The following AGBL4 variants were observed in gnomAD, a reference collection of about 807,000 sequenced individuals.
AGBL4 encodes the protein cytosolic carboxypeptidase 6.
AGBL4 carries 58 observed loss-of-function variants against 66.4 expected under a neutral mutation model. That is an observed-to-expected ratio of 0.87 (90% confidence interval 0.71 to 1.09). AGBL4 has a LOEUF of 1.09. Ranked by LOEUF, AGBL4 falls within the 50% of genes least tolerant of loss-of-function variation. The pLI, the probability that AGBL4 is intolerant of heterozygous loss-of-function variation, is 0.00. For missense variants in AGBL4, 579 were observed against 631.0 expected, an observed-to-expected ratio of 0.92 and a Z score of 0.88; for synonymous variants, 234 against 222.9, an observed-to-expected ratio of 1.05 and a Z score of -0.44.
chr1:49,012,400 T>C (rs747504868), intron 5 of AGBL4, among the ~76,000 whole-genome samples: 3 of 152,022 alleles, frequency 2.0e-5, no homozygotes, highest in Non-Finnish European at 2.9e-5. Context: ...TTGGGGAGTA[T>C]GTGAGGAAGA....
intron 5 of AGBL4, among the ~76,000 whole-genome samples, chr1:49,002,586 G>A (rs552055781): frequency 8.5e-5 from 13 of 152,242 alleles, no homozygotes; most frequent in Admixed American, 1.3e-4. Context: ...AGGTCTCATC[G>A]GTTTCAATTC....
At chr1:48,753,712 G>C (rs1484412) in intron 6 of AGBL4, among the ~76,000 whole-genome samples, 1 of 152,054 alleles carries the variant, frequency 6.6e-6, no homozygotes, top group East Asian at 1.9e-4. Flanking sequence ...TCTCTAAAAC[G>C]GAGATAATAA....
At chr1:48,700,282 C>G (rs922510748) in intron 6 of AGBL4, among the ~76,000 whole-genome samples, 31 of 152,208 alleles carry the variant, frequency 2.0e-4, no homozygotes, top group African/African-American at 7.2e-4. Context: ...GCAAGTTATC[C>G]AGCACATCCA....
chr1:48,690,344 G>A (rs991620566), intron 6 of AGBL4, among the ~76,000 whole-genome samples: 2 of 152,126 alleles, frequency 1.3e-5, no homozygotes, highest in African/African-American at 4.8e-5. Flanking sequence ...GGGGGGCGCA[G>A]AGACTCTCAG....
intron 6 of AGBL4, chr1:48,759,079 T>C: frequency 6.2e-7 from 1 of 1,612,934 alleles, no homozygotes; most frequent in Non-Finnish European, 8.5e-7. Context: ...CTGCTGGTAG[T>C]TGCGCAGCAG....
intron 6 of AGBL4, among the ~76,000 whole-genome samples, chr1:48,821,054 T>C (rs1258530650): frequency 6.6e-6 from 1 of 152,186 alleles, no homozygotes; most frequent in African/African-American, 2.4e-5. Flanking sequence ...CACATTGAGA[T>C]ATCATCTTAC....
At chr1:48,887,576 A>C (rs1057472737) in intron 5 of AGBL4, among the ~76,000 whole-genome samples, 2 of 152,164 alleles carry the variant, frequency 1.3e-5, no homozygotes, top group African/African-American at 4.8e-5. Context: ...ATTGAGGCTC[A>C]GAGAGAATAG....
intron 3 of AGBL4, among the ~76,000 whole-genome samples, chr1:49,429,218 C>G (rs577138331): frequency 6.6e-6 from 1 of 152,108 alleles, no homozygotes; most frequent in East Asian, 1.9e-4. Flanking sequence ...GTGTCCATAA[C>G]AGCTCAGTCT....
At chr1:49,656,919 T>G (rs2124473545) in intron 3 of AGBL4, among the ~76,000 whole-genome samples, 1 of 152,286 alleles carries the variant, frequency 6.6e-6, no homozygotes, top group South Asian at 2.1e-4. Flanking sequence ...GGGCAAAAAC[T>G]GGAAGCATTC....
intron 4 of AGBL4, among the ~76,000 whole-genome samples, chr1:49,206,546 C>T (rs1328497605): frequency 2.0e-5 from 3 of 152,160 alleles, no homozygotes; most frequent in East Asian, 1.9e-4. Flanking sequence ...CCTTCCCTGA[C>T]ACTATCCTTA....
intron 2 of AGBL4, among the ~76,000 whole-genome samples, chr1:49,780,388 T>A (rs1349218743): frequency 6.6e-6 from 1 of 152,118 alleles, no homozygotes; most frequent in African/African-American, 2.4e-5. Context: ...TGATGTTTGA[T>A]GATAACTCAA....
At chr1:49,189,211 G>A (rs976158819) in intron 4 of AGBL4, among the ~76,000 whole-genome samples, 8 of 152,274 alleles carry the variant, frequency 5.3e-5, no homozygotes, top group Non-Finnish European at 8.8e-5. Flanking sequence ...GACCATCAGA[G>A]AGAATCCTCC....
intron 3 of AGBL4, 50 bp downstream of exon 3, chr1:49,697,263 C>T (rs1192627274): frequency 4.0e-6 from 6 of 1,490,830 alleles, no homozygotes; most frequent in Non-Finnish European, 5.4e-6. Context: ...AAGACAAAAG[C>T]ATATTATTCT....
chr1:49,573,148 G>C (rs1420935226), intron 3 of AGBL4, among the ~76,000 whole-genome samples: 1 of 43,068 alleles, frequency 2.3e-5, no homozygotes, highest in Non-Finnish European at 3.9e-5. Context: ...GTGTGTGTCT[G>C]TGTGTGTGTG....
intron 2 of AGBL4, among the ~76,000 whole-genome samples, chr1:49,797,937 A>C (rs1644771062): frequency 6.6e-6 from 1 of 151,910 alleles, no homozygotes; most frequent in Non-Finnish European, 1.5e-5. Flanking sequence ...CTAATTTTGT[A>C]TTTTTAGTAG....
intron 1 of AGBL4, among the ~76,000 whole-genome samples, chr1:49,874,391 A>G (rs954884805): frequency 7.9e-5 from 12 of 152,108 alleles, no homozygotes; most frequent in Non-Finnish European, 4.4e-5. Context: ...AATGTTACAC[A>G]TCTTGATTAT....
At chr1:49,308,808 C>T (rs1644895012) in intron 3 of AGBL4, among the ~76,000 whole-genome samples, 1 of 152,142 alleles carries the variant, frequency 6.6e-6, no homozygotes, top group African/African-American at 2.4e-5. Flanking sequence ...TTTAGACTAG[C>T]ACAGGTGGGA....
chr1:48,526,811 A>G, the AGBL4 span, among the ~76,000 whole-genome samples: 10 of 151,964 alleles, frequency 6.6e-5, no homozygotes, highest in South Asian at 2.1e-3. Flanking sequence ...GTTTATTGTT[A>G]TAGAAAAAAG....
At chr1:48,614,735 G>A (rs913600985) in intron 9 of AGBL4, among the ~76,000 whole-genome samples, 1 of 151,966 alleles carries the variant, frequency 6.6e-6, no homozygotes, top group African/African-American at 2.4e-5. Context: ...CAGCAAAAGA[G>A]AAAAATAACT....
Sources: gnomAD v4.1 joint callset for allele counts (sites outside exome capture counted in the v4.1 genomes callset) on GRCh38, gnomAD v4.1.1 for gene constraint, MANE v1.5 for transcripts, NCBI Gene and HGNC (gene_info 2026-07-23, HGNC 2026-07-21) for gene names.